The following GEN1 variants were observed in gnomAD, a reference collection of about 807,000 sequenced individuals.
The protein encoded by GEN1 is GEN1 structure-specific endonuclease, also known as flap endonuclease GEN homolog 1.
In GEN1, 64 loss-of-function variants were observed where a neutral mutation model predicts 67.6. That is an observed-to-expected ratio of 0.95 (90% confidence interval 0.77 to 1.17). The LOEUF (loss-of-function observed/expected upper bound fraction) is 1.17. Ranked by LOEUF, GEN1 falls within the 50% of genes most tolerant of loss-of-function variation. The pLI, the probability that GEN1 is intolerant of heterozygous loss-of-function variation, is 0.00. For synonymous variants in GEN1, 371 were observed against 359.4 expected (o/e 1.03, Z -0.37); for missense variants, 1,058 against 1,048.3 (o/e 1.01, Z -0.13).
Position 17,788,599 on chromosome 2 carries a change from A to G in GEN1, c.*6660A>G, listed in dbSNP as rs1029839376. 1 of 152,200 alleles carries G rather than the reference A, an allele frequency of 6.6e-6. No individual in the cohort carries two copies. Among genetic ancestry groups the G allele is most frequent in the Admixed American group, 6.5e-5 (1 of 15,284 alleles). 9.4% of individuals were successfully genotyped at this position (152,200 alleles called of 1,614,324 possible). ...CATTATTCTATTCCAAGACCCAAAA[A>G]GGAAAATAACCTCCCCAAATGGTAA... On this transcript the variant is annotated 3_prime_UTR_variant, in exon 14 of 14. Transcript: ENST00000381254.
Position 17,760,027 on chromosome 2 carries a change from A to T in GEN1, c.84A>T (p.Ala28=), listed in dbSNP as rs147110059. 8 of 1,614,014 alleles carry T rather than the reference A, an allele frequency of 5.0e-6. No homozygotes were observed. The African/African-American group carries it at 8.0e-5, about 16-fold the overall frequency. The change falls in exon 2 of 14, where the codon GCA becomes GCT. Residue 28 remains alanine (A), a synonymous_variant. Transcript: ENST00000381254. ...PLRNLGGKTI[A]VDLSLWVCEA... ...GTAATCTTGGTGGGAAAACCATTGC[A>T]GTTGATCTGAGTCTCTGGGTGTGTG...
At chr2:17,765,757 A>G (rs941967436) in intron 4 of GEN1, among the ~76,000 whole-genome samples, 2 of 152,230 alleles carry the variant, frequency 1.3e-5, no homozygotes, top group Non-Finnish European at 2.9e-5. Context: ...CATAAAAGAT[A>G]TCCAGACATA....
In GEN1 at chr2:17,782,215, T is replaced by TA. The variant is rs2125183555; in HGVS notation, c.*279dup. 1 of 229,116 alleles carries TA rather than the reference T, an allele frequency of 4.4e-6. No homozygotes were observed. The highest frequency in any genetic ancestry group is 5.5e-5 in the Admixed American group (1 of 18,280). The allele number at this position is 229,116 out of a possible 1,614,324, so 14.2% of individuals were successfully genotyped here. On this transcript the variant is annotated 3_prime_UTR_variant, in exon 14 of 14. Transcript: ENST00000381254. ...AATATTGGTATAGTACTTGACAGAG[T>TA]AAATACTTCATCTGATTGTTCATTT...
rs1216056775 is a variant in GEN1 at position 17,774,374 on chromosome 2, G to A, written c.1175G>A (p.Arg392Lys). Reference protein sequence around the residue: ...YDMIERKLGSRNSNQLQPIRI... With the variant: ...YDMIERKLGSKNSNQLQPIRI... ...ATGATAGAAAGAAAGCTTGGTAGCA[G>A]AAACTCTAATCAACTACAGCCAATT... The change falls in exon 11 of 14, where the codon AGA becomes AAA. Residue 392 changes from arginine (R) to lysine (K), a missense_variant. Arg to Lys is a conservative substitution (Grantham distance 26, BLOSUM62 2). Transcript: ENST00000381254. The A allele has an allele frequency of 6.2e-7, 1 of 1,604,530 alleles. No homozygotes were observed. Among genetic ancestry groups the A allele is most frequent in the Non-Finnish European group, 8.5e-7 (1 of 1,174,622 alleles).
At chr2:17,764,506 A>G (rs1163794116) in intron 3 of GEN1, among the ~76,000 whole-genome samples, 2 of 152,230 alleles carry the variant, frequency 1.3e-5, no homozygotes, top group Admixed American at 6.5e-5. Context: ...AATCAACACA[A>G]AAGTAACCCA....
At chr2:17,776,194 A>C (rs1344107215) in intron 11 of GEN1, among the ~76,000 whole-genome samples, 1 of 152,036 alleles carries the variant, frequency 6.6e-6, no homozygotes, top group Admixed American at 6.6e-5. Context: ...CAAGTGAAAA[A>C]CGTTCTGTGG....
intron 6 of GEN1, among the ~76,000 whole-genome samples, chr2:17,770,273 T>C (rs1299691736): frequency 6.6e-6 from 1 of 152,196 alleles, no homozygotes; most frequent in Non-Finnish European, 1.5e-5. Flanking sequence ...TTATCTATTA[T>C]TCTGTTTTAT....
intron 6 of GEN1, among the ~76,000 whole-genome samples, chr2:17,769,084 A>G (rs951568363): frequency 2.6e-5 from 4 of 152,094 alleles, no homozygotes; most frequent in African/African-American, 9.7e-5. Flanking sequence ...CAGTGGCGCA[A>G]TCACTGCTCA....
Position 17,774,297 on chromosome 2 carries a change from G to A in GEN1, c.1098G>A (p.Trp366Ter), listed in dbSNP as rs768259329. 1.3e-6 allele frequency: 2 copies of A among 1,580,844 alleles called. No homozygotes were observed. The highest frequency in any genetic ancestry group is 3.4e-5 in the Admixed American group (2 of 58,864). ...FQRFTLEKME[W>*]PNHYACEKLL... is the part of the protein sequence containing the mutation. ...GATTTACTCTTGAAAAAATGGAGTG[G>A]CCCAATCACTATGCATGTGAGAAAT... is the stretch of plus-strand genomic sequence containing the variant. The change falls in exon 11 of 14, where the codon TGG (tryptophan) becomes TGA (stop). Residue 366 changes from tryptophan to a stop codon, truncating the protein, a stop_gained. Transcript: ENST00000381254. LOFTEE classifies it high-confidence loss of function.
Position 17,773,169 on chromosome 2 carries a change from A to G in GEN1, c.990+37A>G, listed in dbSNP as rs755036135. ...TAATTCAACTCTATTAATTTTAGAAACTTTCTTAAAAGTTTAAATCTCAGT... is the reference window on the plus strand; with the variant it reads ...TAATTCAACTCTATTAATTTTAGAAGCTTTCTTAAAAGTTTAAATCTCAGT... On this transcript the variant is annotated intron_variant, in intron 9 of 13. Coordinates refer to ENST00000381254, the MANE Select transcript of GEN1 (RefSeq NM_001130009.3). 2.6e-6 allele frequency: 4 copies of G among 1,559,480 alleles called. No individual in the cohort carries two copies. In the South Asian group the frequency reaches 4.5e-5, roughly 18 times the overall value.
At position 17,786,600 on chromosome 2, in the gene GEN1, G is replaced by T. The variant is rs572203013; in HGVS notation, c.*4661G>T. 1 of 152,134 alleles carries T rather than the reference G, an allele frequency of 6.6e-6. No homozygotes were observed. The highest frequency in any genetic ancestry group is 2.4e-5 in the African/African-American group (1 of 41,490). The allele number at this position is 152,134 out of a possible 1,614,324, so 9.4% of individuals were successfully genotyped here. A position where few individuals can be genotyped will look rare whatever the true frequency, so the allele number is the denominator to read the frequency against. On this transcript the variant is annotated 3_prime_UTR_variant, in exon 14 of 14. Transcript: ENST00000381254. ...ACCCAACTAGAAAAAGTTAAAGCTGGGACTAGAACTCAGATCTCCTAATTC... is the reference window on the plus strand; with the variant it reads ...ACCCAACTAGAAAAAGTTAAAGCTGTGACTAGAACTCAGATCTCCTAATTC...
intron 2 of GEN1, 52 bp downstream of exon 2, chr2:17,760,156 T>A (rs2555072): frequency 4.7e-5 from 71 of 1,501,936 alleles, no homozygotes; most frequent in Non-Finnish European, 6.1e-5. Flanking sequence ...ACAGTCTTGG[T>A]ATCTTGATTT....
At position 17,781,959 on chromosome 2, in the gene GEN1, T is replaced by G. The variant is rs774205624; in HGVS notation, c.*20T>G. ...ACTTGAAATTTAAAACACTTAGGTA[T>G]AACTTAACTATTTTAGTACTATCAG... On this transcript the variant is annotated 3_prime_UTR_variant, in exon 14 of 14. Coordinates refer to ENST00000381254, the MANE Select transcript of GEN1 (RefSeq NM_001130009.3). 1 of 1,336,750 alleles carries G rather than the reference T, an allele frequency of 7.5e-7. No individual in the cohort carries two copies. Among genetic ancestry groups the G allele is most frequent in the Admixed American group, 2.3e-5 (1 of 43,250 alleles). 82.8% of individuals were successfully genotyped at this position (1,336,750 alleles called of 1,614,324 possible). A position where few individuals can be genotyped will look rare whatever the true frequency, so the allele number is the denominator to read the frequency against.
At chr2:17,753,739 C>T (rs1277342437), upstream of GEN1, 11 of 152,284 alleles carry the variant, frequency 7.2e-5, no homozygotes, top group African/African-American at 1.9e-4. Flanking sequence ...CCGCTGGCCC[C>T]CTGGGAACCG....
intron 5 of GEN1, among the ~76,000 whole-genome samples, chr2:17,766,892 A>G (rs534927263): frequency 6.6e-6 from 1 of 152,342 alleles, no homozygotes; most frequent in South Asian, 2.1e-4. Flanking sequence ...TTAATATTAT[A>G]AGCAAGAATA....
rs370541992 is a variant in GEN1 at position 17,781,909 on chromosome 2, G to C, written c.2697G>C (p.Gln899His). 7.5e-5 allele frequency: 118 copies of C among 1,565,106 alleles called. No individual in the cohort carries two copies. Among genetic ancestry groups the C allele is most frequent in the Admixed American group, 1.9e-4 (9 of 46,846 alleles). ...TGGATAGCCCTCTTCCTTTACGCCA[G>C]AGATTAAAACTAAGATTCCAAAGCA... ...TCLDSPLPLR[Q>H]RLKLRFQST The change falls in exon 14 of 14, where the codon CAG (glutamine) becomes CAC (histidine). Residue 899 changes from glutamine (Q) to histidine (H), a missense_variant. Physicochemically the swap from Gln to His is conservative, Grantham distance 24 (BLOSUM62 0). Transcript: ENST00000381254.
Position 17,780,675 on chromosome 2 carries a change from A to G in GEN1, c.1463A>G (p.Gln488Arg), listed in dbSNP as rs377610632. The G allele has an allele frequency of 1.9e-6, 3 of 1,612,212 alleles. No individual in the cohort carries two copies. The highest frequency in any genetic ancestry group is 1.7e-6 in the Non-Finnish European group (2 of 1,179,204). ...GAACCAGATGAAGTAATGAGCTTTCAGTCACACATGACTTTAAAACCCACA... is the reference window on the plus strand; with the variant it reads ...GAACCAGATGAAGTAATGAGCTTTCGGTCACACATGACTTTAAAACCCACA... Reference protein sequence around the residue: ...LPEPDEVMSFQSHMTLKPTCE... With the variant: ...LPEPDEVMSFRSHMTLKPTCE... The change falls in exon 14 of 14, where the codon CAG becomes CGG. Residue 488 changes from glutamine (Q) to arginine (R), a missense_variant. Coordinates refer to ENST00000381254, the MANE Select transcript of GEN1 (RefSeq NM_001130009.3).
intron 1 of GEN1, chr2:17,755,515 T>C (rs79835866): frequency 6.6e-6 from 1 of 152,150 alleles, no homozygotes; most frequent in Non-Finnish European, 1.5e-5. Context: ...GAAAATAAAA[T>C]TGAAAAAATA....
At position 17,760,048 on chromosome 2, in the gene GEN1, G is replaced by T. The variant is rs924777488; in HGVS notation, c.105G>T (p.Val35=). The T allele has an allele frequency of 2.1e-5, 34 of 1,614,010 alleles. No homozygotes were observed. The highest frequency in any genetic ancestry group is 1.6e-4 in the Middle Eastern group (1 of 6,084). The change falls in exon 2 of 14, where the codon GTG becomes GTT. Residue 35 remains valine, a synonymous_variant. Coordinates refer to ENST00000381254, the MANE Select transcript of GEN1 (RefSeq NM_001130009.3). Reference sequence around the variant, plus strand: ...TTGCAGTTGATCTGAGTCTCTGGGTGTGTGAGGCACAGACAGTCAAAAAAA... The same window carrying T: ...TTGCAGTTGATCTGAGTCTCTGGGTTTGTGAGGCACAGACAGTCAAAAAAA... ...KTIAVDLSLW[V]CEAQTVKKMM...
Sources: allele counts gnomAD v4.1 joint callset (sites outside exome capture counted in the v4.1 genomes callset), GRCh38; gene constraint gnomAD v4.1.1; transcripts MANE v1.5; gene names NCBI Gene and HGNC (gene_info 2026-07-23, HGNC 2026-07-21).